GALNT18: variants seen among roughly 807,000 people sequenced by gnomAD.
GALNT18 encodes the protein polypeptide N-acetylgalactosaminyltransferase 18.
A neutral mutation model predicts 69.5 loss-of-function variants in GALNT18; 44 were observed. That is an observed-to-expected ratio of 0.63 (90% confidence interval 0.50 to 0.81). The LOEUF is 0.81. Ranked by LOEUF, GALNT18 falls within the 40% of genes least tolerant of loss-of-function variation. GALNT18 has a pLI of 0.00. For missense variants in GALNT18, 715 were observed against 810.0 expected, an observed-to-expected ratio of 0.88 and a Z score of 1.42; for synonymous variants, 364 against 318.2, an observed-to-expected ratio of 1.14 and a Z score of -1.53.
intron 9 of GALNT18, among the ~76,000 whole-genome samples, chr11:11,306,058 C>G (rs187818622): frequency 1.1e-4 from 16 of 152,324 alleles, no homozygotes. Context: ...AATGGGGTCT[C>G]TCCCCAGGAC....
intron 1 of GALNT18, among the ~76,000 whole-genome samples, chr11:11,594,882 A>T (rs7952398): frequency 0.91 from 129,032 of 141,532 alleles, 58,845 homozygotes; most frequent in East Asian, 0.99. Flanking sequence ...TATATATATA[A>T]AAAATCTACA....
chr11:11,378,049 CA>C (rs1215843716), intron 4 of GALNT18, among the ~76,000 whole-genome samples: 1 of 152,196 alleles, frequency 6.6e-6, no homozygotes, highest in Admixed American at 6.5e-5. Flanking sequence ...TTATTCAAAT[CA>C]GCTTGAAATA....
At chr11:11,293,311 A>G (rs1849338485) in intron 9 of GALNT18, 118 bp from the exon 10 acceptor site, 2 of 692,706 alleles carry the variant, frequency 2.9e-6, no homozygotes, top group Non-Finnish European at 4.1e-6. Flanking sequence ...AAGACCCCGG[A>G]GTCTTCACAT....
At chr11:11,385,283 A>C (rs1460726343) in intron 3 of GALNT18, among the ~76,000 whole-genome samples, 1 of 145,674 alleles carries the variant, frequency 6.9e-6, no homozygotes, top group Non-Finnish European at 1.5e-5. Flanking sequence ...CCCCACCTCC[A>C]CTATTGGGGA....
chr11:11,296,678 C>T (rs972644910), intron 9 of GALNT18, among the ~76,000 whole-genome samples: 3 of 152,294 alleles, frequency 2.0e-5, no homozygotes, highest in South Asian at 2.1e-4. Context: ...CTGGGAGAGA[C>T]GTGTGCACTT....
At chr11:11,539,567 G>C (rs547617824) in intron 1 of GALNT18, among the ~76,000 whole-genome samples, 2 of 152,274 alleles carry the variant, frequency 1.3e-5, no homozygotes, top group African/African-American at 4.8e-5. Context: ...AGACCCCAGA[G>C]ACCCCACTGT....
At chr11:11,577,076 T>C (rs1347613207) in intron 1 of GALNT18, among the ~76,000 whole-genome samples, 1 of 152,212 alleles carries the variant, frequency 6.6e-6, no homozygotes, top group Non-Finnish European at 1.5e-5. Context: ...GCTGGCTGTG[T>C]GCCCTGAGCT....
At chr11:11,433,826 A>C (rs966374422) in intron 2 of GALNT18, among the ~76,000 whole-genome samples, 16 of 151,772 alleles carry the variant, frequency 1.1e-4, no homozygotes, top group African/African-American at 3.1e-4. Flanking sequence ...GTGTAGATGA[A>C]TGAAAGAATG....
At chr11:11,553,477 T>C (rs1858250611) in intron 1 of GALNT18, among the ~76,000 whole-genome samples, 1 of 152,148 alleles carries the variant, frequency 6.6e-6, no homozygotes, top group Admixed American at 6.5e-5. Flanking sequence ...CAGGCCTCTG[T>C]CACCCCCTCC....
intron 3 of GALNT18, among the ~76,000 whole-genome samples, chr11:11,397,018 C>A (rs770352877): frequency 6.6e-6 from 1 of 152,030 alleles, no homozygotes; most frequent in Non-Finnish European, 1.5e-5. Context: ...CAAATGCACC[C>A]CCATGGCAAA....
chr11:11,344,400 C>T (rs1374730595), intron 6 of GALNT18, among the ~76,000 whole-genome samples: 1 of 152,200 alleles, frequency 6.6e-6, no homozygotes. Context: ...GCTGTGTGGT[C>T]CTGCCTTGTT....
intron 10 of GALNT18, among the ~76,000 whole-genome samples, chr11:11,283,734 A>G (rs1023179327): frequency 2.6e-5 from 4 of 152,198 alleles, no homozygotes; most frequent in African/African-American, 9.7e-5. Flanking sequence ...CTACAACTAC[A>G]TAATCTGGAA....
rs1859133048 is a variant in GALNT18, at chr11:11,583,389, G to A, written c.235+37970C>T. ...GCAGCTGACCAGTGCCAAGTACATAGGAGGAGCTCAATTCATACATTCTGA... is the reference window on the plus strand; with the variant it reads ...GCAGCTGACCAGTGCCAAGTACATAAGAGGAGCTCAATTCATACATTCTGA... On this transcript the variant is annotated intron_variant, in intron 1 of 10. Transcript: ENST00000227756. The surrounding 1 kb of genome is among the most constrained non-coding windows in gnomAD (Gnocchi z 4.7). Among the ~76,000 whole-genome samples the A allele has an allele frequency of 6.6e-6, 1 of 152,200 alleles. No individual in the cohort carries two copies. The highest frequency in any genetic ancestry group is 1.5e-5 in the Non-Finnish European group (1 of 68,024).
At chr11:11,342,252 T>C (rs1225122376) in intron 6 of GALNT18, among the ~76,000 whole-genome samples, 2 of 152,228 alleles carry the variant, frequency 1.3e-5, no homozygotes, top group Admixed American at 6.5e-5. Context: ...TCAATCAATG[T>C]ATAAATGGCT....
At chr11:11,483,039 T>C (rs892636075) in intron 1 of GALNT18, among the ~76,000 whole-genome samples, 7 of 152,248 alleles carry the variant, frequency 4.6e-5, no homozygotes, top group Admixed American at 4.6e-4. Flanking sequence ...TTGCTCAGAT[T>C]CACTCCATTT....
chr11:11,354,124 G>T (rs1018387386), intron 6 of GALNT18, among the ~76,000 whole-genome samples: 4 of 152,166 alleles, frequency 2.6e-5, no homozygotes, highest in Admixed American at 1.3e-4. Flanking sequence ...TAAAGGATTT[G>T]CTCTTTTCAT....
intron 1 of GALNT18, among the ~76,000 whole-genome samples, chr11:11,479,888 C>T (rs1856485665): frequency 1.3e-5 from 2 of 152,166 alleles, no homozygotes; most frequent in Admixed American, 1.3e-4. Context: ...AATAGCTATG[C>T]TCTCATCAAT....
chr11:11,536,466 A>C lies in GALNT18; in HGVS notation c.235+84893T>G, dbSNP rs752781492. Among the ~76,000 whole-genome samples the C allele has an allele frequency of 2.6e-5, 4 of 152,080 alleles. No homozygotes were observed. The South Asian group carries it at 8.3e-4, about 32-fold the overall frequency. ...CAAGGTGGCTCTGGACCCTCAGAGG[A>C]AGGCAAGAGGGAGGAAACCAGGGCT... On this transcript the variant is annotated intron_variant, in intron 1 of 10. Transcript: ENST00000227756.
intron 1 of GALNT18, among the ~76,000 whole-genome samples, chr11:11,550,561 A>T (rs113579794): frequency 1.3e-5 from 2 of 152,290 alleles, no homozygotes; most frequent in African/African-American, 4.8e-5. Context: ...TTTATAAATA[A>T]AGCATTTCCG....
Sources: gnomAD v4.1 joint callset for allele counts (sites outside exome capture counted in the v4.1 genomes callset) on GRCh38, gnomAD v4.1.1 for gene constraint, Gnocchi (gnomAD v3.1) non-coding constraint, MANE v1.5 for transcripts, NCBI Gene and HGNC (gene_info 2026-07-23, HGNC 2026-07-21) for gene names.